The following COL19A1 variants were observed in gnomAD, a reference collection of about 807,000 sequenced individuals.
COL19A1 encodes collagen alpha-1(XIX) chain.
In COL19A1, 159 loss-of-function variants were observed where a neutral mutation model predicts 190.2. That is an observed-to-expected ratio of 0.84 (90% CI 0.73 to 0.95). The LOEUF (loss-of-function observed/expected upper bound fraction) is 0.95. COL19A1 is among the 40% of genes least tolerant of loss of function. COL19A1 has a pLI of 0.00. For synonymous variants in COL19A1, 509 were observed against 458.9 expected (o/e 1.11, Z -1.39); for missense variants, 1,418 against 1,431.9 (o/e 0.99, Z 0.16).
chr6:69,914,096 T>G (rs1305209532), intron 4 of COL19A1, among the ~76,000 whole-genome samples: 2 of 152,206 alleles, frequency 1.3e-5, no homozygotes, highest in Non-Finnish European at 2.9e-5. Flanking sequence ...GGGACTTGTT[T>G]TCAATGGGAA....
intron 2 of COL19A1, among the ~76,000 whole-genome samples, chr6:69,887,671 G>T (rs1769033846): frequency 6.6e-6 from 1 of 152,158 alleles, no homozygotes; most frequent in Non-Finnish European, 1.5e-5. Flanking sequence ...CTTTTCCTTA[G>T]TTCAGCTAAA....
At chr6:69,945,088 A>C (rs1391333681) in intron 9 of COL19A1, among the ~76,000 whole-genome samples, 1 of 151,872 alleles carries the variant, frequency 6.6e-6, no homozygotes, top group Non-Finnish European at 1.5e-5. Flanking sequence ...GTTTTATAAA[A>C]TATTAGCTCA....
chr6:70,119,684 C>T (rs1252542029), intron 16 of COL19A1, among the ~76,000 whole-genome samples: 26 of 152,192 alleles, frequency 1.7e-4, no homozygotes, highest in Non-Finnish European at 1.5e-5. Context: ...TTCCAACCCT[C>T]ATTTTCTTTA....
chr6:70,069,355 GTC>G (rs936716670), intron 15 of COL19A1, among the ~76,000 whole-genome samples: 17 of 152,172 alleles, frequency 1.1e-4, no homozygotes, highest in African/African-American at 3.6e-4. Context: ...TGTAAAATAA[GTC>G]TCTTTCCTCA....
intron 9 of COL19A1, among the ~76,000 whole-genome samples, chr6:69,949,066 T>G (rs1773979621): frequency 6.6e-6 from 1 of 151,836 alleles, no homozygotes; most frequent in African/African-American, 2.4e-5. Flanking sequence ...AAATACTCTT[T>G]CATGTTTCCT....
At chr6:70,179,221 A>T (rs1002778202) in intron 42 of COL19A1, among the ~76,000 whole-genome samples, 1 of 152,140 alleles carries the variant, frequency 6.6e-6, no homozygotes, top group Non-Finnish European at 1.5e-5. Flanking sequence ...CTCCTTCCGG[A>T]ATTCTAAGCA....
chr6:69,901,540 A>G (rs1429318856), intron 4 of COL19A1, among the ~76,000 whole-genome samples: 1 of 152,254 alleles, frequency 6.6e-6, no homozygotes, highest in East Asian at 1.9e-4. Context: ...ATGTAACTGT[A>G]TGGACCCACG....
At chr6:70,154,245 G>T (rs191722014) in intron 31 of COL19A1, among the ~76,000 whole-genome samples, 3 of 152,082 alleles carry the variant, frequency 2.0e-5, no homozygotes, top group East Asian at 3.9e-4. Context: ...TGCTGAGAAT[G>T]ATGGTTTCCA....
chr6:70,180,397 G>T, intron 43 of COL19A1, 41 bp downstream of exon 43: 1 of 1,614,068 alleles, frequency 6.2e-7, no homozygotes, highest in Non-Finnish European at 8.5e-7. Context: ...TACTTGTGTT[G>T]TACTTGCATG....
chr6:70,189,494 T>G (rs1018446176), intron 47 of COL19A1, among the ~76,000 whole-genome samples: 7 of 152,214 alleles, frequency 4.6e-5, no homozygotes, highest in African/African-American at 1.7e-4. Context: ...ATATTGTCTT[T>G]AATGCCACAC....
Position 70,121,415 on chromosome 6 carries a change from A to G in COL19A1, c.1279-465A>G, listed in dbSNP as rs1012331914. Among the ~76,000 whole-genome samples the G allele has an allele frequency of 7.9e-5, 12 of 152,282 alleles. No individual in the cohort carries two copies. In the South Asian group the frequency reaches 2.1e-3, roughly 26 times the overall value. ...TGGCCCAAAAGTCCATGTGCATCCC[A>G]TTTTCTTACAACTAATTCAAAAAAG... On this transcript the variant is annotated intron_variant, in intron 16 of 50. Coordinates refer to ENST00000620364, the MANE Select transcript of COL19A1 (RefSeq NM_001858.6).
chr6:70,055,781 T>TAAAAAAAAAAAA (rs55871207), intron 14 of COL19A1, among the ~76,000 whole-genome samples: 2 of 117,446 alleles, frequency 1.7e-5, no homozygotes, highest in African/African-American at 6.9e-5. Context: ...AACTCTGTAT[T>TAAAAAAAAAAAA]AAAAAAAAAA....
At chr6:70,074,416 T>G (rs149311723) in intron 15 of COL19A1, among the ~76,000 whole-genome samples, 1 of 146,690 alleles carries the variant, frequency 6.8e-6, no homozygotes, top group East Asian at 2.0e-4. Context: ...GGAGAATCGC[T>G]TGAACCCAGG....
chr6:70,207,286 G>T lies in COL19A1; in HGVS notation c.*12G>T, dbSNP rs1169330476. The T allele has an allele frequency of 1.9e-6, 3 of 1,561,616 alleles. No homozygotes were observed. Among genetic ancestry groups the T allele is most frequent in the Non-Finnish European group, 2.6e-6 (3 of 1,146,960 alleles). ...CAGGTGGGAATTGAACACACCTGAA[G>T]AAGACTTGGTTCCTGGTAACATTTC... On this transcript the variant is annotated 3_prime_UTR_variant, in exon 51 of 51. Coordinates refer to ENST00000620364, the MANE Select transcript of COL19A1 (RefSeq NM_001858.6).
chr6:70,054,135 AGATCAG>A (rs1244440520), intron 14 of COL19A1, among the ~76,000 whole-genome samples: 1 of 152,202 alleles, frequency 6.6e-6, no homozygotes, highest in African/African-American at 2.4e-5. Flanking sequence ...GGATTGCCTG[AGATCAG>A]GAGTTCGAGA....
intron 14 of COL19A1, among the ~76,000 whole-genome samples, chr6:70,061,742 A>G (rs957966304): frequency 4.6e-5 from 7 of 152,242 alleles, no homozygotes; most frequent in African/African-American, 1.7e-4. Flanking sequence ...GATGAATATC[A>G]AAAATGTTAT....
At chr6:70,075,491 G>A (rs565270934) in intron 15 of COL19A1, among the ~76,000 whole-genome samples, 3 of 152,324 alleles carry the variant, frequency 2.0e-5, no homozygotes, top group African/African-American at 7.2e-5. Context: ...GTTGTGCAGC[G>A]AGGATAGTCC....
intron 44 of COL19A1, among the ~76,000 whole-genome samples, chr6:70,184,112 C>A (rs1425176191): frequency 6.6e-6 from 1 of 152,200 alleles, no homozygotes. Flanking sequence ...TTATACATTT[C>A]TTGCTTTTCT....
chr6:69,899,489 C>T (rs1770016384), intron 3 of COL19A1, among the ~76,000 whole-genome samples: 1 of 151,854 alleles, frequency 6.6e-6, no homozygotes, highest in South Asian at 2.1e-4. Flanking sequence ...GAAAAAATTC[C>T]GAAAGCAGGG....
Sources: gnomAD v4.1 joint callset for allele counts (sites outside exome capture counted in the v4.1 genomes callset) on GRCh38, gnomAD v4.1.1 for gene constraint, MANE v1.5 for transcripts, NCBI Gene and HGNC (gene_info 2026-07-23, HGNC 2026-07-21) for gene names.